The following MAPRE2 variants were observed in gnomAD, a reference collection of about 807,000 sequenced individuals.
The protein encoded by MAPRE2 is microtubule associated protein RP/EB family member 2, also known as microtubule-associated protein RP/EB family member 2.
In MAPRE2, 13 loss-of-function variants were observed where a neutral mutation model predicts 43.2. The observed-to-expected ratio is 0.30, with a 90% CI of 0.20 to 0.48. The LOEUF is 0.48. Ranked by LOEUF, MAPRE2 falls within the 20% of genes least tolerant of loss-of-function variation. The pLI, the probability that MAPRE2 is intolerant of heterozygous loss-of-function variation, is 0.99. For synonymous variants in MAPRE2, 135 were observed against 148.8 expected (o/e 0.91, Z 0.68); for missense variants, 161 against 400.2 (o/e 0.40, Z 5.10).
chr18:35,064,020 A>AG (rs1407367413), intron 1 of MAPRE2, among the ~76,000 whole-genome samples: 3 of 144,596 alleles, frequency 2.1e-5, no homozygotes, highest in Non-Finnish European at 4.5e-5. Flanking sequence ...AAAAAAAAAA[A>AG]AAAAAAAAAA....
intron 1 of MAPRE2, among the ~76,000 whole-genome samples, chr18:35,002,290 G>A (rs1256801330): frequency 6.6e-6 from 1 of 152,126 alleles, no homozygotes; most frequent in Non-Finnish European, 1.5e-5. Context: ...TCTTATTGCT[G>A]GGTAGTATTC....
At chr18:35,003,930 T>G (rs2097030557) in intron 1 of MAPRE2, among the ~76,000 whole-genome samples, 1 of 152,224 alleles carries the variant, frequency 6.6e-6, no homozygotes, top group African/African-American at 2.4e-5. Context: ...TTCAACTTAT[T>G]GTATCTGAAG....
intron 2 of MAPRE2, among the ~76,000 whole-genome samples, chr18:35,010,670 C>T (rs2150582849): frequency 6.6e-6 from 1 of 152,234 alleles, no homozygotes; most frequent in East Asian, 1.9e-4. Context: ...GATTAACGTT[C>T]TCATTTCTGA....
At chr18:35,098,644 A>G (rs917951042) in intron 3 of MAPRE2, among the ~76,000 whole-genome samples, 2 of 152,148 alleles carry the variant, frequency 1.3e-5, no homozygotes, top group Non-Finnish European at 2.9e-5. Flanking sequence ...AGCTCTTTCC[A>G]TATGTATTTA....
chr18:35,053,113 C>G (rs1371758452), intron 1 of MAPRE2, among the ~76,000 whole-genome samples: 1 of 151,732 alleles, frequency 6.6e-6, no homozygotes, highest in African/African-American at 2.4e-5. Flanking sequence ...GTCTATTTAG[C>G]CCGGGCACTG....
intron 1 of MAPRE2, among the ~76,000 whole-genome samples, chr18:35,069,389 T>A (rs55967701): frequency 0.22 from 33,102 of 151,676 alleles, 4,234 homozygotes; most frequent in East Asian, 0.53. Flanking sequence ...CTGTTTTTTT[T>A]AAAAATTATT....
rs1016221289 is a variant in MAPRE2, at chr18:35,128,408, C to G, written c.750+1321C>G. Among the ~76,000 whole-genome samples the G allele has an allele frequency of 3.9e-5, 6 of 152,284 alleles. No homozygotes were observed. In the East Asian group the frequency reaches 1.2e-3, roughly 29 times the overall value. ...TGCCTTGGACCTAAAGTTAGTCCTC[C>G]CATATCCATGGGTTACCACATCTGC... On this transcript the variant is annotated intron_variant, in intron 5 of 6. Transcript: ENST00000300249.
chr18:35,034,145 G>A (rs969218148), intron 2 of MAPRE2, among the ~76,000 whole-genome samples: 2 of 151,918 alleles, frequency 1.3e-5, no homozygotes, highest in Admixed American at 1.3e-4. Flanking sequence ...AAACAGCATG[G>A]TACTGGTACC....
At chr18:35,086,045 G>A (rs945283119) in intron 2 of MAPRE2, among the ~76,000 whole-genome samples, 10 of 152,112 alleles carry the variant, frequency 6.6e-5, no homozygotes, top group African/African-American at 2.4e-4. Flanking sequence ...CCTTTCATCA[G>A]TACCAAATAA....
chr18:35,033,852 G>T (rs11504778), intron 2 of MAPRE2, among the ~76,000 whole-genome samples: 48,510 of 134,556 alleles, frequency 0.36, 6,686 homozygotes, highest in African/African-American at 0.4. Context: ...CACTGCTCAA[G>T]GAAATAAAAG....
chr18:34,983,918 C>T (rs987414714), intron 1 of MAPRE2, among the ~76,000 whole-genome samples: 2 of 152,222 alleles, frequency 1.3e-5, no homozygotes, highest in Non-Finnish European at 2.9e-5. Flanking sequence ...GCATAAGCCA[C>T]AGTGTCTGGC....
intron 1 of MAPRE2, among the ~76,000 whole-genome samples, chr18:35,049,161 A>G (rs1196192237): frequency 2.6e-5 from 4 of 152,170 alleles, no homozygotes; most frequent in Admixed American, 6.6e-5. Flanking sequence ...ATTTGTCAAA[A>G]AACATCTCTG....
intron 4 of MAPRE2, among the ~76,000 whole-genome samples, chr18:35,109,055 A>G (rs1380576802): frequency 1.3e-5 from 2 of 152,132 alleles, no homozygotes; most frequent in African/African-American, 2.4e-5. Flanking sequence ...GCCCATGCCT[A>G]TGTCCTGAAT....
intron 1 of MAPRE2, among the ~76,000 whole-genome samples, chr18:34,996,839 A>G (rs1252112827): frequency 6.6e-6 from 1 of 152,218 alleles, no homozygotes; most frequent in Non-Finnish European, 1.5e-5. Flanking sequence ...CAATATGCAA[A>G]GGAAGCCTGA....
At chr18:35,085,850 A>G (rs746753379) in intron 2 of MAPRE2, among the ~76,000 whole-genome samples, 3 of 152,200 alleles carry the variant, frequency 2.0e-5, no homozygotes, top group Non-Finnish European at 4.4e-5. Context: ...TGTTCATTCA[A>G]GATGAGAAGG....
At chr18:35,052,948 C>T (rs1407531020) in intron 1 of MAPRE2, among the ~76,000 whole-genome samples, 1 of 151,738 alleles carries the variant, frequency 6.6e-6, no homozygotes, top group Non-Finnish European at 1.5e-5. Flanking sequence ...ATAATATAGT[C>T]TTGAATTGTA....
Position 35,140,691 on chromosome 18 carries a change from C to A in MAPRE2, c.*322C>A. Reference sequence around the variant, plus strand: ...CTCTTTCCCACCCCAACACCACTGCCACCACCCCTCTTTTTATCCTGGTGT... The same window carrying A: ...CTCTTTCCCACCCCAACACCACTGCAACCACCCCTCTTTTTATCCTGGTGT... On this transcript the variant is annotated 3_prime_UTR_variant, in exon 7 of 7. Coordinates refer to ENST00000300249, the MANE Select transcript of MAPRE2 (RefSeq NM_014268.4). 3.2e-6 allele frequency: 1 copy of A among 315,790 alleles called. No homozygotes were observed. Among genetic ancestry groups the A allele is most frequent in the Non-Finnish European group, 5.9e-6 (1 of 170,754 alleles). The allele number at this position is 315,790 out of a possible 1,614,324, so 19.6% of individuals were successfully genotyped here.
chr18:35,063,242 T>A (rs997147592), intron 1 of MAPRE2, among the ~76,000 whole-genome samples: 1 of 152,082 alleles, frequency 6.6e-6, no homozygotes, highest in Non-Finnish European at 1.5e-5. Context: ...TAGCTGGGAC[T>A]ACAGGCGCAC....
chr18:35,131,863 C>T (rs1910164153), intron 5 of MAPRE2, 169 bp from the exon 6 acceptor site: 1 of 645,510 alleles, frequency 1.5e-6, no homozygotes. Flanking sequence ...CGTTTTGGCC[C>T]AGGGTCAAGC....
Sources: allele counts gnomAD v4.1 joint callset (sites outside exome capture counted in the v4.1 genomes callset), GRCh38; gene constraint gnomAD v4.1.1; transcripts MANE v1.5; gene names NCBI Gene and HGNC (gene_info 2026-07-23, HGNC 2026-07-21).